The following CAPRIN2 variants were observed in gnomAD, a reference collection of about 807,000 sequenced individuals.
The protein encoded by CAPRIN2 is caprin family member 2.
CAPRIN2 carries 66 observed loss-of-function variants against 130.4 expected under a neutral mutation model. The observed-to-expected ratio is 0.51, with a 90% CI of 0.42 to 0.62. The LOEUF (loss-of-function observed/expected upper bound fraction) is 0.62. Among genes scored for constraint, CAPRIN2 ranks in the 20% least tolerant of loss-of-function variants. CAPRIN2 has a pLI of 0.00. For synonymous variants in CAPRIN2, 471 were observed against 444.1 expected (o/e 1.06, Z -0.76); for missense variants, 1,185 against 1,246.6 (o/e 0.95, Z 0.74).
chr12:30,745,466 C>A (rs750421698), intron 2 of CAPRIN2, among the ~76,000 whole-genome samples: 4 of 152,110 alleles, frequency 2.6e-5, no homozygotes, highest in Admixed American at 1.3e-4. Context: ...TTAGCCTTGA[C>A]AGATCCCTTA....
At chr12:30,718,741 A>G (rs1160453198) in intron 12 of CAPRIN2, among the ~76,000 whole-genome samples, 1 of 152,220 alleles carries the variant, frequency 6.6e-6, no homozygotes, top group African/African-American at 2.4e-5. Context: ...ACTAGTAAAG[A>G]TATTAGTAAT....
At chr12:30,735,031 T>C (rs775787077) in exon 4 of CAPRIN2, 1 of 1,614,154 alleles carries the variant, frequency 6.2e-7, no homozygotes, top group Non-Finnish European at 8.5e-7. Flanking sequence ...GTCAAGTTCT[T>C]TTGAAGGCAA....
At chr12:30,740,437 G>A (rs1212961956) in intron 3 of CAPRIN2, among the ~76,000 whole-genome samples, 1 of 144,194 alleles carries the variant, frequency 6.9e-6, no homozygotes, top group Non-Finnish European at 1.5e-5. Flanking sequence ...ATTTGAAAAA[G>A]TAAAGAATAC....
intron 2 of CAPRIN2, 56 bp from the exon 4 acceptor site, chr12:30,741,162 G>A (rs2067273520): frequency 3.9e-6 from 4 of 1,029,966 alleles, no homozygotes; most frequent in Non-Finnish European, 5.9e-6. Context: ...ATAAATATGT[G>A]AAAATAATGT....
chr12:30,715,373 A>G, intron 13 of CAPRIN2: 3 of 611,188 alleles, frequency 4.9e-6, no homozygotes, highest in Non-Finnish European at 9.0e-6. Context: ...ATGCTACAAC[A>G]TGAATGAACC....
At chr12:30,753,205 G>A (rs112076225) in intron 1 of CAPRIN2, 139 bp downstream of exon 2, 43 of 659,760 alleles carry the variant, frequency 6.5e-5, no homozygotes, top group African/African-American at 5.0e-4. Context: ...TTTCCAACAC[G>A]TAACCTGCTT....
intron 12 of CAPRIN2, chr12:30,719,149 C>T (rs1193144390): frequency 1.9e-6 from 3 of 1,614,068 alleles, no homozygotes; most frequent in Non-Finnish European, 2.5e-6. Context: ...TGACTGGAAG[C>T]CCTGTTCAGA....
intron 1 of CAPRIN2, among the ~76,000 whole-genome samples, chr12:30,752,322 T>A (rs7971762): frequency 0.48 from 73,653 of 151,862 alleles, 18,404 homozygotes; most frequent in African/African-American, 0.56. Flanking sequence ...TCGTACTATC[T>A]GGTATTCAAA....
chr12:30,743,160 C>T (rs1331845853), intron 2 of CAPRIN2, among the ~76,000 whole-genome samples: 2 of 138,688 alleles, frequency 1.4e-5, no homozygotes, highest in Non-Finnish European at 3.1e-5. Context: ...CTGGATCCTA[C>T]GGAATTGTGC....
intron 14 of CAPRIN2, among the ~76,000 whole-genome samples, chr12:30,714,435 G>C (rs531479939): frequency 6.6e-6 from 1 of 152,192 alleles, no homozygotes; most frequent in East Asian, 1.9e-4. Flanking sequence ...CTCCTATTTT[G>C]GCATCCCAAA....
chr12:30,740,729 CCT>C (rs1433439469), intron 3 of CAPRIN2, among the ~76,000 whole-genome samples: 11 of 152,044 alleles, frequency 7.2e-5, no homozygotes, highest in African/African-American at 2.2e-4. Flanking sequence ...AGTTTGATTC[CCT>C]GTGTCAATGA....
chr12:30,712,406 G>A (rs1333688857), intron 15 of CAPRIN2, among the ~76,000 whole-genome samples: 1 of 152,070 alleles, frequency 6.6e-6, no homozygotes, highest in Non-Finnish European at 1.5e-5. Flanking sequence ...CTGTAATAGT[G>A]GTATTAAGAA....
intron 13 of CAPRIN2, 56 bp from the exon 16 acceptor site, chr12:30,715,197 C>T (rs2057072627): frequency 5.7e-6 from 8 of 1,401,728 alleles, no homozygotes; most frequent in Non-Finnish European, 6.0e-6. Context: ...AGTCTTTATA[C>T]TTAAAAGCCA....
At chr12:30,748,870 T>C (rs1204399240) in intron 2 of CAPRIN2, among the ~76,000 whole-genome samples, 2 of 152,182 alleles carry the variant, frequency 1.3e-5, no homozygotes, top group Admixed American at 6.5e-5. Context: ...GCACTAGGAA[T>C]ACAGCAATGA....
chr12:30,716,353 T>G, intron 13 of CAPRIN2, 155 bp downstream of exon 15: 1 of 635,570 alleles, frequency 1.6e-6, no homozygotes, highest in Non-Finnish European at 2.7e-6. Flanking sequence ...AAAAAGGGCA[T>G]TAGGTTTTTC....
At chr12:30,714,534 A>G (rs1313207891) in intron 14 of CAPRIN2, among the ~76,000 whole-genome samples, 1 of 152,218 alleles carries the variant, frequency 6.6e-6, no homozygotes, top group Non-Finnish European at 1.5e-5. Context: ...ACTTGGAACC[A>G]TAACAACAGT....
At chr12:30,723,125 C>T in intron 11 of CAPRIN2, 134 bp downstream of exon 12, 1 of 650,152 alleles carries the variant, frequency 1.5e-6, no homozygotes, top group Non-Finnish European at 2.7e-6. Context: ...ATTTAATCTA[C>T]AAAACTAGAT....
At chr12:30,714,141 G>A (rs969149189) in intron 14 of CAPRIN2, among the ~76,000 whole-genome samples, 1 of 152,120 alleles carries the variant, frequency 6.6e-6, no homozygotes, top group Non-Finnish European at 1.5e-5. Context: ...GGTGGTGGTA[G>A]GGCAGTTAGG....
rs773333981 is a variant in CAPRIN2, at chr12:30,753,647, A to G, written c.117T>C (p.Ser39=). 89 of 1,614,180 alleles carry G rather than the reference A, an allele frequency of 5.5e-5. No homozygotes were observed. The East Asian group carries it at 1.9e-3, about 35-fold the overall frequency. The change falls in exon 1 of 17, where the codon AGT becomes AGC. Residue 39 remains serine, a synonymous_variant. Transcript: ENST00000298892. ...GGGGAAAGTTAAGTATAAAATTAGG[A>G]CTAGAGGGACACAGCCAGGCAATAA...
Sources: gnomAD v4.1 joint callset for allele counts (sites outside exome capture counted in the v4.1 genomes callset) on GRCh38, gnomAD v4.1.1 for gene constraint, MANE v1.5 for transcripts, NCBI Gene and HGNC (gene_info 2026-07-23, HGNC 2026-07-21) for gene names.